Variants in RORA observed in about 807,000 individuals in gnomAD.
RORA encodes nuclear receptor ROR-alpha.
A neutral mutation model predicts 69.5 loss-of-function variants in RORA; 7 were observed. The ratio of observed to expected loss-of-function variants is 0.10; its 90% CI spans 0.06 to 0.19. RORA has a LOEUF of 0.19. Among genes scored for constraint, RORA ranks in the 10% least tolerant of loss-of-function variants. RORA has a pLI of 1.00. For missense variants in RORA, 457 were observed against 663.0 expected, an observed-to-expected ratio of 0.69 and a Z score of 3.41; for synonymous variants, 261 against 240.8, an observed-to-expected ratio of 1.08 and a Z score of -0.78.
chr15:61,171,167 C>A (rs190903950), intron 1 of RORA, among the ~76,000 whole-genome samples: 1 of 152,184 alleles, frequency 6.6e-6, no homozygotes, highest in Non-Finnish European at 1.5e-5. Context: ...ACCTGCCCCA[C>A]GGGCAGCTGG....
intron 1 of RORA, among the ~76,000 whole-genome samples, chr15:60,682,586 C>A (rs1267092982): frequency 6.6e-6 from 1 of 152,132 alleles, no homozygotes; most frequent in East Asian, 1.9e-4. Context: ...CAAGTCCAGC[C>A]TGGGCAACAC....
chr15:60,966,536 C>G (rs1432127228), intron 1 of RORA, among the ~76,000 whole-genome samples: 1 of 152,150 alleles, frequency 6.6e-6, no homozygotes, highest in Non-Finnish European at 1.5e-5. Context: ...CAGTGCTAAT[C>G]CTAGAACAAT....
intron 1 of RORA, among the ~76,000 whole-genome samples, chr15:60,710,912 A>C (rs1276933234): frequency 2.0e-5 from 3 of 151,990 alleles, no homozygotes; most frequent in Non-Finnish European, 2.9e-5. Flanking sequence ...TAGGTCTTTC[A>C]GCAGAAGGGG....
At chr15:60,877,810 A>C (rs1052867486) in intron 1 of RORA, among the ~76,000 whole-genome samples, 1 of 152,306 alleles carries the variant, frequency 6.6e-6, no homozygotes, top group Admixed American at 6.5e-5. Flanking sequence ...CATGCTATGG[A>C]ATTATGTCTG....
At chr15:61,097,131 C>A (rs778629201) in intron 1 of RORA, among the ~76,000 whole-genome samples, 1 of 152,164 alleles carries the variant, frequency 6.6e-6, no homozygotes, top group Admixed American at 6.5e-5. Context: ...GGAGTGTTTC[C>A]GATGGGGCAG....
intron 1 of RORA, among the ~76,000 whole-genome samples, chr15:60,813,038 A>G (rs1472530425): frequency 6.6e-6 from 1 of 152,202 alleles, no homozygotes; most frequent in Non-Finnish European, 1.5e-5. Context: ...TCTTGATTCC[A>G]TCAGGTCTGA....
intron 1 of RORA, among the ~76,000 whole-genome samples, chr15:60,692,849 A>G (rs1321773988): frequency 2.0e-5 from 3 of 152,244 alleles, no homozygotes. Context: ...AGATGGATTT[A>G]CAGCTGAATT....
chr15:60,756,642 A>C (rs1040443557), intron 1 of RORA, among the ~76,000 whole-genome samples: 1 of 152,234 alleles, frequency 6.6e-6, no homozygotes, highest in Non-Finnish European at 1.5e-5. Context: ...AATAGCAGCC[A>C]GAAATCCTCT....
intron 1 of RORA, among the ~76,000 whole-genome samples, chr15:60,708,852 C>A (rs2071104494): frequency 6.6e-6 from 1 of 152,164 alleles, no homozygotes; most frequent in Non-Finnish European, 1.5e-5. Context: ...AACAGAGCAT[C>A]CAGGGGTCAG....
intron 2 of RORA, among the ~76,000 whole-genome samples, chr15:60,581,882 C>T (rs1343288985): frequency 6.6e-6 from 1 of 152,126 alleles, no homozygotes; most frequent in Non-Finnish European, 1.5e-5. Flanking sequence ...AATAAGATGG[C>T]ATCACAAGAG....
At chr15:61,062,267 A>C (rs1283462621) in intron 1 of RORA, among the ~76,000 whole-genome samples, 1 of 152,136 alleles carries the variant, frequency 6.6e-6, no homozygotes, top group Non-Finnish European at 1.5e-5. Context: ...CTCTGGGCCC[A>C]GCTTCCCAAG....
chr15:60,575,851 T>A (rs1422589342), intron 2 of RORA, among the ~76,000 whole-genome samples: 1 of 152,236 alleles, frequency 6.6e-6, no homozygotes, highest in African/African-American at 2.4e-5. Flanking sequence ...TCAAAGAGAA[T>A]AATTATCTTA....
chr15:60,628,918 G>A (rs543117620), intron 2 of RORA, among the ~76,000 whole-genome samples: 1 of 152,198 alleles, frequency 6.6e-6, no homozygotes, highest in Non-Finnish European at 1.5e-5. Flanking sequence ...TGGAAAGGGG[G>A]TGGGTTTAGA....
intron 1 of RORA, among the ~76,000 whole-genome samples, chr15:61,224,047 A>C (rs1329635093): frequency 6.6e-6 from 1 of 151,792 alleles, no homozygotes; most frequent in Non-Finnish European, 1.5e-5. Flanking sequence ...AGAGAAAATG[A>C]GAGACAGAGA....
chr15:60,594,996 T>G (rs1482077714), intron 2 of RORA, among the ~76,000 whole-genome samples: 8 of 151,704 alleles, frequency 5.3e-5, no homozygotes, highest in Admixed American at 2.6e-4. Flanking sequence ...TTCTTTATAT[T>G]AACACAAAGC....
chr15:60,653,130 T>A (rs913639395), intron 2 of RORA, among the ~76,000 whole-genome samples: 1 of 152,230 alleles, frequency 6.6e-6, no homozygotes, highest in East Asian at 1.9e-4. Context: ...TGAAAGTGAT[T>A]TTTTTAGCTT....
intron 1 of RORA, among the ~76,000 whole-genome samples, chr15:60,920,848 G>T (rs979645280): frequency 6.6e-6 from 1 of 152,180 alleles, no homozygotes; most frequent in African/African-American, 2.4e-5. Flanking sequence ...GAAATGACAT[G>T]CTATTGTGTA....
At chr15:60,798,221 GACACACACACACACAC>G (rs34480684) in intron 1 of RORA, among the ~76,000 whole-genome samples, 96,764 of 145,736 alleles carry the variant, frequency 0.66, 33,562 homozygotes, top group Non-Finnish European at 0.79. Flanking sequence ...TTCCCCAACA[GACACACACACACACAC>G]ACACACACAC....
chr15:60,652,852 C>G (rs913753819), intron 2 of RORA, among the ~76,000 whole-genome samples: 21 of 152,212 alleles, frequency 1.4e-4, no homozygotes, highest in African/African-American at 5.1e-4. Context: ...TCAAAATGCT[C>G]AATGCTGGTG....
Sources: gnomAD v4.1 joint callset for allele counts (sites outside exome capture counted in the v4.1 genomes callset) on GRCh38, gnomAD v4.1.1 for gene constraint, MANE v1.5 for transcripts, NCBI Gene and HGNC (gene_info 2026-07-23, HGNC 2026-07-21) for gene names.